Variants in NLRP5 observed in about 807,000 individuals in gnomAD.
NLRP5 encodes NACHT, LRR and PYD domains-containing protein 5.
In NLRP5, 93 loss-of-function variants were observed where a neutral mutation model predicts 113.1. The observed-to-expected ratio is 0.82, with a 90% CI of 0.70 to 0.98. The LOEUF (loss-of-function observed/expected upper bound fraction) is 0.98. Among genes scored for constraint, NLRP5 ranks in the 50% least tolerant of loss-of-function variants. The pLI, the probability that NLRP5 is intolerant of heterozygous loss-of-function variation, is 0.00. For synonymous variants in NLRP5, 751 were observed against 600.7 expected, an observed-to-expected ratio of 1.25 and a Z score of -3.66; for missense variants, 1,808 against 1,514.3, an observed-to-expected ratio of 1.19 and a Z score of -3.22.
intron 4 of NLRP5, among the ~76,000 whole-genome samples, chr19:56,016,064 A>G (rs1218310836): frequency 6.6e-6 from 1 of 152,224 alleles, no homozygotes; most frequent in Admixed American, 6.5e-5. Context: ...TGAGGTTTCA[A>G]TACACGCATA....
chr19:56,002,254 G>A (rs937409701), intron 1 of NLRP5, among the ~76,000 whole-genome samples: 12 of 152,056 alleles, frequency 7.9e-5, no homozygotes, highest in South Asian at 2.1e-4. Flanking sequence ...AAATTGGATC[G>A]TCTCCCTTTT....
At chr19:56,059,989 GGAGGAAGGTGAAGACAGGAT>G (rs1444079287) in intron 14 of NLRP5, among the ~76,000 whole-genome samples, 7 of 152,264 alleles carry the variant, frequency 4.6e-5, no homozygotes, top group African/African-American at 1.4e-4. Flanking sequence ...TGGAATCATA[GGAGGAAGGTGAAGACAGGAT>G]GAGGAAGGTG....
chr19:56,038,287 A>G (rs1599901065), intron 10 of NLRP5, 92 bp downstream of exon 10: 2 of 1,379,836 alleles, frequency 1.4e-6, no homozygotes, highest in Middle Eastern at 1.8e-4. Flanking sequence ...GAGGGAAATG[A>G]GCAGATGTAC....
chr19:56,030,714 C>CTTCTTTTT lies in NLRP5; in HGVS notation c.2277-1895_2277-1894insCTTTTTTT, dbSNP rs1555767859. Among the ~76,000 whole-genome samples the CTTCTTTTT allele has an allele frequency of 5.9e-3, 418 of 71,306 alleles. 26 individuals carry two copies. Among genetic ancestry groups the CTTCTTTTT allele is most frequent in the Admixed American group, 1.0e-2 (49 of 4,908 alleles). 46.8% of individuals were successfully genotyped at this position (71,306 alleles called of 152,430 possible). ...ACTTACATTCATTCGCTTTCTTCTT[C>CTTCTTTTT]TTTTTTTTTTTTTTTTTTGAGACGG... is the stretch of plus-strand genomic sequence containing the variant. On this transcript the variant is annotated intron_variant, in intron 7 of 14. Transcript: ENST00000390649.
chr19:56,003,158 G>T (rs1309427100), intron 1 of NLRP5, among the ~76,000 whole-genome samples: 2 of 142,818 alleles, frequency 1.4e-5, no homozygotes. Flanking sequence ...CATGCCAGTG[G>T]TTTTTTGTTT....
At position 56,036,358 on chromosome 19, in the gene NLRP5, C is replaced by A. The variant is rs941892727; in HGVS notation, c.2616-1667C>A. On this transcript the variant is annotated intron_variant, in intron 9 of 14. Transcript: ENST00000390649. ...CTGGGATTACAGGCTTGAGCCACTGCGCCTGGCTGAGATTCTTTCATTCAA... is the reference window on the plus strand; with the variant it reads ...CTGGGATTACAGGCTTGAGCCACTGAGCCTGGCTGAGATTCTTTCATTCAA... Among the ~76,000 whole-genome samples the A allele has an allele frequency of 2.7e-5, 4 of 150,792 alleles. No individual in the cohort carries two copies. In the East Asian group the frequency reaches 8.1e-4, roughly 31 times the overall value.
upstream of NLRP5, among the ~76,000 whole-genome samples, chr19:55,996,749 G>A (rs1048921364): frequency 6.6e-6 from 1 of 152,070 alleles, no homozygotes; most frequent in Non-Finnish European, 1.5e-5. Context: ...TGGACATTTG[G>A]GTTGGTTCCA....
At chr19:55,997,674 A>G (rs1293903717), upstream of NLRP5, among the ~76,000 whole-genome samples, 1 of 143,322 alleles carries the variant, frequency 7.0e-6, no homozygotes, top group Non-Finnish European at 1.5e-5. Flanking sequence ...TCTACCAAAA[A>G]TACCAAAATA....
the NLRP5 span, among the ~76,000 whole-genome samples, chr19:55,991,401 A>C: frequency 6.6e-6 from 1 of 152,170 alleles, no homozygotes; most frequent in African/African-American, 2.4e-5. Flanking sequence ...TCTTGTCCTG[A>C]TAACAATATC....
In NLRP5 at chr19:56,015,700, C is replaced by T. The variant is rs376583762; in HGVS notation, c.509-42C>T. 8.5e-5 allele frequency: 126 copies of T among 1,489,780 alleles called. No individual in the cohort carries two copies. The African/African-American group carries it at 1.6e-3, about 19-fold the overall frequency. 92.3% of individuals were successfully genotyped at this position (1,489,780 alleles called of 1,614,324 possible). A position where few individuals can be genotyped will look rare whatever the true frequency, so the allele number is the denominator to read the frequency against. ...CAACATCTCTGATTTGAATAATATA[C>T]ACAGTATGTTTGTGTTTATTCTTCT... On this transcript the variant is annotated intron_variant, in intron 3 of 14. Coordinates refer to ENST00000390649, the MANE Select transcript of NLRP5 (RefSeq NM_153447.4).
intron 6 of NLRP5, among the ~76,000 whole-genome samples, chr19:56,026,389 G>A (rs1001792854): frequency 9.9e-5 from 15 of 151,492 alleles, no homozygotes; most frequent in African/African-American, 7.3e-5. Flanking sequence ...TTAGCTGGGC[G>A]TGGTGGCAGG....
chr19:56,053,980 C>T (rs1228804026), intron 13 of NLRP5, among the ~76,000 whole-genome samples, 172 bp downstream of exon 13: 1 of 152,126 alleles, frequency 6.6e-6, no homozygotes, highest in Non-Finnish European at 1.5e-5. Context: ...AGCTCGGCTC[C>T]TATGGATGAG....
chr19:55,988,468 A>ATATATATATG, the NLRP5 span: 3 of 145,818 alleles, frequency 2.1e-5, no homozygotes, highest in South Asian at 4.4e-4. Flanking sequence ...ATATATATAT[A>ATATATATATG]TGCTATATAA....
At chr19:56,016,688 G>T (rs1982415571) in intron 4 of NLRP5, among the ~76,000 whole-genome samples, 2 of 152,154 alleles carry the variant, frequency 1.3e-5, no homozygotes, top group Admixed American at 1.3e-4. Flanking sequence ...CCACGTGTCA[G>T]ATCCTCTGGT....
chr19:56,004,059 C>T lies in NLRP5; in HGVS notation c.406C>T (p.Arg136Ter), dbSNP rs1419853541. 8.7e-6 allele frequency: 14 copies of T among 1,612,364 alleles called. No homozygotes were observed. The highest frequency in any genetic ancestry group is 1.2e-5 in the Non-Finnish European group (14 of 1,179,126). The change falls in exon 2 of 15, where the codon CGA (arginine) becomes TGA (stop). Residue 136 changes from arginine (R) to a stop codon, truncating the protein, a stop_gained. Transcript: ENST00000390649. LOFTEE classifies it high-confidence loss of function. ...TAGCATCTTTGAAAACATGAACCTG[C>T]GAACCCTCTCGGAGAAGGCACGGGA...
At chr19:56,024,468 TAC>T (rs1982750269) in intron 6 of NLRP5, among the ~76,000 whole-genome samples, 2 of 148,120 alleles carry the variant, frequency 1.4e-5, no homozygotes, top group African/African-American at 4.9e-5. Context: ...CATACATATA[TAC>T]GTGTGTATAC....
chr19:56,008,651 C>T, intron 2 of NLRP5, 137 bp from the exon 3 acceptor site: 1 of 733,380 alleles, frequency 1.4e-6, no homozygotes, highest in Non-Finnish European at 2.4e-6. Context: ...CGTTATAGGC[C>T]AATCATGGAA....
the NLRP5 span, among the ~76,000 whole-genome samples, chr19:55,990,502 C>G: frequency 7.2e-5 from 11 of 151,826 alleles, no homozygotes; most frequent in South Asian, 2.3e-3. Flanking sequence ...ACCAGCCTGA[C>G]TAACATGGCG....
chr19:55,996,314 C>A (rs1042703482), upstream of NLRP5, among the ~76,000 whole-genome samples: 1 of 152,070 alleles, frequency 6.6e-6, no homozygotes, highest in South Asian at 2.1e-4. Flanking sequence ...GTTTCTTCTG[C>A]GTCTTATCAT....
Sources: allele counts gnomAD v4.1 joint callset (sites outside exome capture counted in the v4.1 genomes callset), GRCh38; gene constraint gnomAD v4.1.1; transcripts MANE v1.5; gene names NCBI Gene and HGNC (gene_info 2026-07-23, HGNC 2026-07-21).